The following FAM83H variants were observed in gnomAD, a reference collection of about 807,000 sequenced individuals.
FAM83H encodes the protein protein FAM83H.
FAM83H carries 24 observed loss-of-function variants against 30.2 expected under a neutral mutation model. The ratio of observed to expected loss-of-function variants is 0.79; its 90% CI spans 0.57 to 1.12. The LOEUF (loss-of-function observed/expected upper bound fraction) is 1.12, where lower values mean the gene tolerates loss of function less well. Among genes scored for constraint, FAM83H ranks in the 50% most tolerant of loss-of-function variants. The pLI is 0.00. For synonymous variants in FAM83H, 1,013 were observed against 821.7 expected, an observed-to-expected ratio of 1.23 and a Z score of -3.98; for missense variants, 2,038 against 1,773.9, an observed-to-expected ratio of 1.15 and a Z score of -2.67.
At chr8:143,728,763 C>G (rs1344577823) in intron 4 of FAM83H, 40 bp from the exon 5 acceptor site, 1 of 1,598,378 alleles carries the variant, frequency 6.3e-7, no homozygotes, top group Non-Finnish European at 8.5e-7. Context: ...CGAGCTGGAG[C>G]GAGGGCACTG....
At position 143,730,608 on chromosome 8, in the gene FAM83H, A is replaced by T; in HGVS notation, c.-15-11T>A. 1 of 1,511,494 alleles carries T rather than the reference A, an allele frequency of 6.6e-7. No homozygotes were observed. The highest frequency in any genetic ancestry group is 1.3e-5 in the South Asian group (1 of 77,540). 93.6% of individuals were successfully genotyped at this position (1,511,494 alleles called of 1,614,324 possible). ...GTTGGGGCCAGGGGCCTGGAGGGGC[A>T]GGGAGACACATGACTAGGGGTGGGG... On this transcript the variant is annotated splice_polypyrimidine_tract_variant and intron_variant, in intron 1 of 4. Coordinates refer to ENST00000388913, the MANE Select transcript of FAM83H (RefSeq NM_198488.5).
intron 1 of FAM83H, chr8:143,731,757 C>A (rs1371401377): frequency 4.1e-6 from 4 of 985,368 alleles, no homozygotes; most frequent in South Asian, 4.7e-5. Context: ...GCAGCAGGGA[C>A]CTTTCCAGGT....
At chr8:143,729,457 T>C (rs1934209543) in intron 2 of FAM83H, 134 bp from the exon 3 acceptor site, 1 of 979,000 alleles carries the variant, frequency 1.0e-6, no homozygotes, top group East Asian at 2.6e-5. Context: ...TCCTAGGGAG[T>C]TGGCGCCACA....
Position 143,725,858 on chromosome 8 carries a change from G to C in FAM83H, c.*63C>G. On this transcript the variant is annotated 3_prime_UTR_variant, in exon 5 of 5. Transcript: ENST00000388913. ...GATGAGCAGGGCTCTCTGTTCCGCG[G>C]GGCTTCTGGATGACCGGGGCAGCGA... The C allele has an allele frequency of 6.3e-7, 1 of 1,589,330 alleles. No individual in the cohort carries two copies. Among genetic ancestry groups the C allele is most frequent in the East Asian group, 2.3e-5 (1 of 44,222 alleles).
rs1554621422 is a variant in FAM83H at position 143,725,882 on chromosome 8, G to A, written c.*39C>T. 2 of 1,607,194 alleles carry A rather than the reference G, an allele frequency of 1.2e-6. No homozygotes were observed. The highest frequency in any genetic ancestry group is 2.2e-5 in the East Asian group (1 of 44,784). ...GGGGCTTCTGGATGACCGGGGCAGC[G>A]ATGCGGGCACCCTGGCCTGGGTTGC... On this transcript the variant is annotated 3_prime_UTR_variant, in exon 5 of 5. Transcript: ENST00000388913.
In FAM83H at chr8:143,728,159, G is replaced by A. The variant is rs1554623164; in HGVS notation, c.1302C>T (p.Phe434=). The A allele has an allele frequency of 6.2e-7, 1 of 1,608,260 alleles. No individual in the cohort carries two copies. Among genetic ancestry groups the A allele is most frequent in the Admixed American group, 1.7e-5 (1 of 59,918 alleles). ...AGCGGAAGTCGTCGCCGTGGCTGAG[G>A]AACGTCTGCCGCGACACCTGCCGCG... is the stretch of plus-strand genomic sequence containing the variant. ...AAARQVSRQT[F]LSHGDDFRFQ... Residue 434 remains phenylalanine, a synonymous_variant, in exon 5 of 5, where the codon TTC becomes TTT. Coordinates refer to ENST00000388913, the MANE Select transcript of FAM83H (RefSeq NM_198488.5).
In FAM83H at chr8:143,728,576, G is replaced by A. The variant is rs781816023; in HGVS notation, c.885C>T (p.Asp295=). ...VPSAAALARM[D]AYALAPYAGA... is the part of the protein sequence containing the mutation. Reference sequence around the variant, plus strand: ...CGGCATACGGAGCCAGGGCATAGGCGTCCATGCGGGCCAGGGCCGCGGCCG... The same window carrying A: ...CGGCATACGGAGCCAGGGCATAGGCATCCATGCGGGCCAGGGCCGCGGCCG... Residue 295 remains aspartate (D), a synonymous_variant, in exon 5 of 5, where the codon GAC becomes GAT. Transcript: ENST00000388913. 170 of 1,598,592 alleles carry A rather than the reference G, an allele frequency of 1.1e-4. No individual in the cohort carries two copies. Among genetic ancestry groups the A allele is most frequent in the African/African-American group, 1.3e-4 (10 of 74,632 alleles).
At position 143,733,558 on chromosome 8, in the gene FAM83H, C is replaced by T. The variant is rs1818610256; in HGVS notation, c.-16+133G>A. 6.6e-6 allele frequency: 1 copy of T among 151,558 alleles called. No individual in the cohort carries two copies. The highest frequency in any genetic ancestry group is 2.4e-5 in the African/African-American group (1 of 41,268). 9.4% of individuals were successfully genotyped at this position (151,558 alleles called of 1,614,324 possible). A position where few individuals can be genotyped will look rare whatever the true frequency, so the allele number is the denominator to read the frequency against. On this transcript the variant is annotated intron_variant, in intron 1 of 4. Coordinates refer to ENST00000388913, the MANE Select transcript of FAM83H (RefSeq NM_198488.5). This position sits in a 1 kb window ranked among gnomAD's most constrained non-coding sequence, Gnocchi z 5.6. ...CCGCGCACGCGGCCGCGCTCCACTCCCACCGCCCCTCTCTGGGTCGCGCGG... is the reference window on the plus strand; with the variant it reads ...CCGCGCACGCGGCCGCGCTCCACTCTCACCGCCCCTCTCTGGGTCGCGCGG...
Position 143,727,477 on chromosome 8 carries a change from G to A in FAM83H, c.1984C>T (p.Leu662=). ...GAGCGGAATGAGTCCTGCTTGGCCA[G>A]GCCAGGCTCCTCCGGGCCCTCGCGC... ...PEREGPEEPG[L]AKQDSFRSRL... The change falls in exon 5 of 5, where the codon CTG becomes TTG. Residue 662 remains leucine, a synonymous_variant. Coordinates refer to ENST00000388913, the MANE Select transcript of FAM83H (RefSeq NM_198488.5). 1 of 1,570,194 alleles carries A rather than the reference G, an allele frequency of 6.4e-7. No homozygotes were observed. Among genetic ancestry groups the A allele is most frequent in the Non-Finnish European group, 8.6e-7 (1 of 1,165,528 alleles).
rs1244369445 is a variant in FAM83H at position 143,728,568 on chromosome 8, G to A, written c.893C>T (p.Ala298Val). Residue 298 changes from alanine to valine, a missense_variant, in exon 5 of 5, where the codon GCC becomes GTC. Physicochemically the swap from Ala to Val is moderately conservative, Grantham distance 64 (BLOSUM62 0). Transcript: ENST00000388913. ...CCCGGCCCCGGCATACGGAGCCAGG[G>A]CATAGGCGTCCATGCGGGCCAGGGC... ...AAALARMDAY[A>V]LAPYAGAGPL... 1.3e-6 allele frequency: 2 copies of A among 1,592,792 alleles called. No homozygotes were observed. The highest frequency in any genetic ancestry group is 1.7e-6 in the Non-Finnish European group (2 of 1,170,612).
At position 143,729,131 on chromosome 8, in the gene FAM83H, C is replaced by T. The variant is rs1296455512; in HGVS notation, c.612+28G>A. On this transcript the variant is annotated intron_variant, in intron 3 of 4. Transcript: ENST00000388913. The stretch of plus-strand genomic sequence containing the variant: ...GAGTCAGATCTCTCCCACGGGTCCT[C>T]CCCAATCTCCCACTCCCGGGAACTC... 1.9e-6 allele frequency: 3 copies of T among 1,613,652 alleles called. No individual in the cohort carries two copies. In the Admixed American group the frequency reaches 5.0e-5, roughly 27 times the overall value.
Position 143,729,165 on chromosome 8 carries a change from G to A in FAM83H, c.606C>T (p.His202=). ...MADKCRVNLQ[H]VDFLRVRTVA... is the part of the protein sequence containing the mutation. ...CCCACTCCCGGGAACTCACATCCAC[G>A]TGCTGCAGGTTGACACGGCACTTGT... The change falls in exon 3 of 5, where the codon CAC becomes CAT. Residue 202 remains histidine, a synonymous_variant. Coordinates refer to ENST00000388913, the MANE Select transcript of FAM83H (RefSeq NM_198488.5). The A allele has an allele frequency of 6.2e-7, 1 of 1,613,670 alleles. No homozygotes were observed. The highest frequency in any genetic ancestry group is 8.5e-7 in the Non-Finnish European group (1 of 1,180,010).
Position 143,725,842 on chromosome 8 carries a change from G to A in FAM83H, c.*79C>T, listed in dbSNP as rs1198896922. The stretch of plus-strand genomic sequence containing the variant: ...AGCCGCTGCTCAAGCAGATGAGCAG[G>A]GCTCTCTGTTCCGCGGGGCTTCTGG... On this transcript the variant is annotated 3_prime_UTR_variant, in exon 5 of 5. Coordinates refer to ENST00000388913, the MANE Select transcript of FAM83H (RefSeq NM_198488.5). 7.0e-6 allele frequency: 11 copies of A among 1,571,896 alleles called. No individual in the cohort carries two copies. Among genetic ancestry groups the A allele is most frequent in the Non-Finnish European group, 8.6e-7 (1 of 1,157,814 alleles).
Position 143,727,019 on chromosome 8 carries a change from G to T in FAM83H, c.2442C>A (p.Leu814=). The T allele has an allele frequency of 6.4e-7, 1 of 1,567,688 alleles. No homozygotes were observed. Among genetic ancestry groups the T allele is most frequent in the Non-Finnish European group, 8.6e-7 (1 of 1,160,742 alleles). The change falls in exon 5 of 5, where the codon CTC becomes CTA. Residue 814 remains leucine, a synonymous_variant. Coordinates refer to ENST00000388913, the MANE Select transcript of FAM83H (RefSeq NM_198488.5). Reference sequence around the variant, plus strand: ...GTGTGTCGAGCAGCTGCGCCGCGGTGAGCGACGCGGCTCCCGGCTGCCGCT... The same window carrying T: ...GTGTGTCGAGCAGCTGCGCCGCGGTTAGCGACGCGGCTCCCGGCTGCCGCT... The part of the protein sequence containing the change: ...EAERQPGAAS[L]TAAQLLDTLG...
Position 143,730,317 on chromosome 8 carries a change from T to G in FAM83H, c.266A>C (p.Asp89Ala). The change falls in exon 2 of 5, where the codon GAT (aspartate) becomes GCT (alanine). Residue 89 changes from aspartate (D) to alanine (A), a missense_variant. Physicochemically the swap from Asp to Ala is moderately radical, Grantham distance 126. Coordinates refer to ENST00000388913, the MANE Select transcript of FAM83H (RefSeq NM_198488.5). Reference protein sequence around the residue: ...PEGSLLDVDMDGSSGTYWPVN... With the variant: ...PEGSLLDVDMAGSSGTYWPVN... Reference sequence around the variant, plus strand: ...TGGCCAGTATGTACCCGAGGAGCCATCCATGTCCACGTCGAGAAGGCTGCC... The same window carrying G: ...TGGCCAGTATGTACCCGAGGAGCCAGCCATGTCCACGTCGAGAAGGCTGCC... The G allele has an allele frequency of 6.2e-7, 1 of 1,613,728 alleles. No homozygotes were observed. Among genetic ancestry groups the G allele is most frequent in the South Asian group, 1.1e-5 (1 of 91,084 alleles).
Position 143,726,786 on chromosome 8 carries a change from C to G in FAM83H, c.2675G>C (p.Ser892Thr), listed in dbSNP as rs782814594. The change falls in exon 5 of 5, where the codon AGT becomes ACT. Residue 892 changes from serine to threonine, a missense_variant. Transcript: ENST00000388913. ...PTPGFSTRRG[S>T]PTTGFIEQKG... ...CTGCTCGATAAATCCTGTAGTTGGA[C>G]TTCCTCTTCGAGTGGAAAACCCAGG... 6.2e-7 allele frequency: 1 copy of G among 1,612,332 alleles called. No homozygotes were observed. Among genetic ancestry groups the G allele is most frequent in the South Asian group, 1.1e-5 (1 of 91,056 alleles).
rs985857226 is a variant in FAM83H at position 143,725,881 on chromosome 8, C to T, written c.*40G>A. On this transcript the variant is annotated 3_prime_UTR_variant, in exon 5 of 5. Transcript: ENST00000388913. ...CGGGGCTTCTGGATGACCGGGGCAG[C>T]GATGCGGGCACCCTGGCCTGGGTTG... 1.9e-6 allele frequency: 3 copies of T among 1,605,598 alleles called. No homozygotes were observed. The highest frequency in any genetic ancestry group is 1.3e-5 in the African/African-American group (1 of 74,940).
Position 143,728,668 on chromosome 8 carries a change from C to G in FAM83H, c.793G>C (p.Glu265Gln), listed in dbSNP as rs372023850. 5.6e-6 allele frequency: 9 copies of G among 1,604,142 alleles called. No individual in the cohort carries two copies. The highest frequency in any genetic ancestry group is 6.8e-6 in the Non-Finnish European group (8 of 1,179,902). ...HRSLAHVFQG[E>Q]LVSSFDEEFR... ...TCCTCGTCGAAGCTGGAGACCAGCT[C>G]TCCTTGGAACACGTGCGCCAGGCTG... Residue 265 changes from glutamate to glutamine, a missense_variant, in exon 5 of 5, where the codon GAG becomes CAG. Glu to Gln is a conservative substitution (Grantham distance 29, BLOSUM62 2). Transcript: ENST00000388913.
rs782779767 is a variant in FAM83H at position 143,727,519 on chromosome 8, C to T, written c.1942G>A (p.Gly648Ser). Residue 648 changes from glycine (G) to serine (S), a missense_variant, in exon 5 of 5, where the codon GGC (glycine) becomes AGC (serine). Gly to Ser is a moderately conservative substitution (Grantham distance 56, BLOSUM62 0). Transcript: ENST00000388913. ...CCCTCGCGCTCTGGGCCGTTGCCGC[C>T]GCTGCCCGGGCCTGGCACCGGGACC... ...TKVPVPGPGSGGNGPEREGPE... is the reference protein window; with the variant it reads ...TKVPVPGPGSSGNGPEREGPE... 3.2e-6 allele frequency: 5 copies of T among 1,578,592 alleles called. No homozygotes were observed. Among genetic ancestry groups the T allele is most frequent in the Non-Finnish European group, 4.3e-6 (5 of 1,169,894 alleles).
Sources: gnomAD v4.1 joint callset for allele counts on GRCh38, gnomAD v4.1.1 for gene constraint, Gnocchi (gnomAD v3.1) non-coding constraint, MANE v1.5 for transcripts, NCBI Gene and HGNC (gene_info 2026-07-23, HGNC 2026-07-21) for gene names.